The following ABCA1 variants were observed in gnomAD, a reference collection of about 807,000 sequenced individuals.
ABCA1 encodes the protein ATP binding cassette subfamily A member 1, also known as phospholipid-transporting ATPase ABCA1.
A neutral mutation model predicts 262.5 loss-of-function variants in ABCA1; 133 were observed. The ratio of observed to expected loss-of-function variants is 0.51; its 90% CI spans 0.44 to 0.59. The LOEUF is 0.59. Ranked by LOEUF, ABCA1 falls within the 20% of genes least tolerant of loss-of-function variation. ABCA1 has a pLI of 0.00. For synonymous variants in ABCA1, 1,022 were observed against 1,043.5 expected (o/e 0.98, Z 0.40); for missense variants, 2,452 against 2,777.5 (o/e 0.88, Z 2.63).
In ABCA1 at chr9:104,837,037, T is replaced by C; in HGVS notation, c.1254A>G (p.Glu418=). The C allele has an allele frequency of 2.5e-6, 4 of 1,614,112 alleles. No individual in the cohort carries two copies. Among genetic ancestry groups the C allele is most frequent in the Non-Finnish European group, 3.4e-6 (4 of 1,180,026 alleles). ...VFHDLEGMWE[E]LSPKIWTFME... is the part of the protein sequence containing the mutation. ...TGAAGGTCCAGATCTTGGGGCTGAG[T>C]TCCTCCCACATGCCTTCCAGATCAT... The change falls in exon 11 of 50, where the codon GAA becomes GAG. Residue 418 remains glutamate (E), a synonymous_variant. Transcript: ENST00000374736.
intron 47 of ABCA1, 97 bp downstream of exon 47, chr9:104,786,776 G>A: frequency 8.7e-7 from 1 of 1,152,402 alleles, no homozygotes. Flanking sequence ...TTTACTCTTT[G>A]CTTTTCTGTA....
rs184722709 is a variant in ABCA1 at position 104,785,659 on chromosome 9, C to T, written c.6402-20G>A. 18 of 1,613,596 alleles carry T rather than the reference C, an allele frequency of 1.1e-5. No homozygotes were observed. In the Admixed American group the frequency reaches 2.0e-4, roughly 18 times the overall value. ...CCAAACCTGAAAGCAGGAAAAAATA[C>T]CCAAATGGAGGATCTCCAGAAAACT... is the stretch of plus-strand genomic sequence containing the variant. On this transcript the variant is annotated intron_variant, in intron 48 of 49. Coordinates refer to ENST00000374736, the MANE Select transcript of ABCA1 (RefSeq NM_005502.4).
Position 104,819,727 on chromosome 9 carries a change from C to CA in ABCA1, c.3104-5dup, listed in dbSNP as rs746119307. 31 of 1,614,058 alleles carry CA rather than the reference C, an allele frequency of 1.9e-5. No homozygotes were observed. The highest frequency in any genetic ancestry group is 2.3e-5 in the Non-Finnish European group (27 of 1,180,008). On this transcript the variant is annotated splice_region_variant and splice_polypyrimidine_tract_variant and intron_variant, in intron 21 of 49. Transcript: ENST00000374736. Reference sequence around the variant, plus strand: ...GATAGCTTTCTCTGCATTCCACCTACAAAAAAACAGAGCAAGACAAACTCC... The same window carrying CA: ...GATAGCTTTCTCTGCATTCCACCTACAAAAAAAACAGAGCAAGACAAACTCC...
chr9:104,818,719 C>T lies in ABCA1; in HGVS notation c.3406G>A (p.Glu1136Lys), dbSNP rs568380383. 3 of 1,613,680 alleles carry T rather than the reference C, an allele frequency of 1.9e-6. No homozygotes were observed. Among genetic ancestry groups the T allele is most frequent in the Admixed American group, 3.3e-5 (2 of 60,014 alleles). ...TTTCTGCAGGAACTGAGGGAGGATT[C>T]CACATCTTTCTTGACCAAGGTCAGG... ...YYLTLVKKDVESSLSSCRNSS... is the reference protein window; with the variant it reads ...YYLTLVKKDVKSSLSSCRNSS... The change falls in exon 23 of 50, where the codon GAA (glutamate) becomes AAA (lysine). Residue 1136 changes from glutamate (E) to lysine (K), a missense_variant. Glu to Lys is a moderately conservative substitution (Grantham distance 56). Around this residue, in one of 4 missense-constraint regions of ABCA1, gnomAD observed 665 missense variants for 727.3 expected, o/e 0.91. Coordinates refer to ENST00000374736, the MANE Select transcript of ABCA1 (RefSeq NM_005502.4).
intron 1 of ABCA1, among the ~76,000 whole-genome samples, chr9:104,924,169 G>A (rs1327884105): frequency 6.6e-6 from 1 of 152,182 alleles, no homozygotes; most frequent in Non-Finnish European, 1.5e-5. Flanking sequence ...ATGCAGATAC[G>A]AAGATGGTTG....
chr9:104,806,378 G>T lies in ABCA1; in HGVS notation c.4327C>A (p.Gln1443Lys). ...EEEWTTAPVP[Q>K]TIMDLFQNGN... The stretch of plus-strand genomic sequence containing the variant: ...TTCTGGAAGAGGTCCATGATGGTCT[G>T]GGGAACTGGGGCAGTGGTCCACTCT... Residue 1443 changes from glutamine (Q) to lysine (K), a missense_variant, in exon 31 of 50, where the codon CAG (glutamine) becomes AAG (lysine). Physicochemically the swap from Gln to Lys is moderately conservative, Grantham distance 53. Coordinates refer to ENST00000374736, the MANE Select transcript of ABCA1 (RefSeq NM_005502.4). 2 of 1,614,178 alleles carry T rather than the reference G, an allele frequency of 1.2e-6. No homozygotes were observed. Among genetic ancestry groups the T allele is most frequent in the South Asian group, 1.1e-5 (1 of 91,082 alleles).
In ABCA1 at chr9:104,806,528, G is replaced by C. The variant is rs142548971; in HGVS notation, c.4275-98C>G. 474 of 1,189,744 alleles carry C rather than the reference G, an allele frequency of 4.0e-4. 3 individuals are homozygous for C. The African/African-American group carries it at 5.9e-3, about 15-fold the overall frequency. 73.7% of individuals were successfully genotyped at this position (1,189,744 alleles called of 1,614,324 possible). On this transcript the variant is annotated intron_variant, in intron 30 of 49. Coordinates refer to ENST00000374736, the MANE Select transcript of ABCA1 (RefSeq NM_005502.4). ...ATCATTCCGTAACAACCACAAACAT[G>C]CATCTATTCCCTCACCATTTGGAAA... is the stretch of plus-strand genomic sequence containing the variant.
At chr9:104,909,200 G>A (rs1350625393) in intron 1 of ABCA1, among the ~76,000 whole-genome samples, 3 of 152,194 alleles carry the variant, frequency 2.0e-5, no homozygotes, top group Non-Finnish European at 2.9e-5. Flanking sequence ...AGGTGCCCAT[G>A]AGCCACAACA....
rs924171166 is a variant in ABCA1, at chr9:104,814,563, A to C, written c.3739-88T>G. The C allele has an allele frequency of 1.0e-5, 13 of 1,280,164 alleles. No individual in the cohort carries two copies. The African/African-American group carries it at 1.6e-4, about 16-fold the overall frequency. 79.3% of individuals were successfully genotyped at this position (1,280,164 alleles called of 1,614,324 possible). A position where few individuals can be genotyped will look rare whatever the true frequency, so the allele number is the denominator to read the frequency against. The stretch of plus-strand genomic sequence containing the variant: ...CACGATTATTATATTACTGAGTGGC[A>C]TGTTAGCCCCGTAAGACAGAGAAAG... On this transcript the variant is annotated intron_variant, in intron 25 of 49. Coordinates refer to ENST00000374736, the MANE Select transcript of ABCA1 (RefSeq NM_005502.4).
chr9:104,919,605 C>T (rs1454480274), intron 1 of ABCA1, among the ~76,000 whole-genome samples: 1 of 147,402 alleles, frequency 6.8e-6, no homozygotes, highest in African/African-American at 2.6e-5. Context: ...TAACGAGACT[C>T]CATCTCAAAA....
At chr9:104,822,371 G>C in intron 19 of ABCA1, 125 bp downstream of exon 19, 3 of 1,262,872 alleles carry the variant, frequency 2.4e-6, no homozygotes, top group Non-Finnish European at 3.4e-6. Context: ...GTTCACATTC[G>C]GCAACTCCTC....
chr9:104,834,548 C>T (rs1205679726), intron 11 of ABCA1, among the ~76,000 whole-genome samples: 2 of 148,456 alleles, frequency 1.3e-5, no homozygotes. Flanking sequence ...GTCGGCCCTG[C>T]CCAGTATGGT....
Position 104,871,989 on chromosome 9 carries a change from C to T in ABCA1, c.422-10189G>A, listed in dbSNP as rs146279863. ...GAGTTTACAAGTTGGGGATGAGATTCTTCCTAAGGCTGGTCTAGGGAAGAA... is the reference window on the plus strand; with the variant it reads ...GAGTTTACAAGTTGGGGATGAGATTTTTCCTAAGGCTGGTCTAGGGAAGAA... On this transcript the variant is annotated intron_variant, in intron 5 of 49. Transcript: ENST00000374736. Among the ~76,000 whole-genome samples the T allele has an allele frequency of 5.2e-3, 798 of 152,288 alleles. 17 individuals carry two copies. Among genetic ancestry groups the T allele is most frequent in the Non-Finnish European group, 7.6e-3 (519 of 68,028 alleles).
chr9:104,795,213 C>CATTTCAAGCCAGGCCTTGAATTTCA (rs1247948910), intron 39 of ABCA1, among the ~76,000 whole-genome samples: 1 of 152,180 alleles, frequency 6.6e-6, no homozygotes, highest in Non-Finnish European at 1.5e-5. Context: ...GACCCTGTGA[C>CATTTCAAGCCAGGCCTTGAATTTCA]AGAAGAAGGG....
At chr9:104,799,643 C>T (rs1830172526) in intron 36 of ABCA1, 176 bp downstream of exon 36, 2 of 985,084 alleles carry the variant, frequency 2.0e-6, no homozygotes, top group Admixed American at 6.2e-5. Context: ...TTCAAGAAGC[C>T]CAACCAGCCA....
intron 6 of ABCA1, among the ~76,000 whole-genome samples, chr9:104,860,917 G>C (rs778317403): frequency 9.9e-5 from 15 of 151,968 alleles, no homozygotes; most frequent in Non-Finnish European, 1.6e-4. Flanking sequence ...CCACCACGCT[G>C]AGCTAATTTT....
At chr9:104,793,348 C>T (rs1246916807) in intron 40 of ABCA1, 48 bp from the exon 41 acceptor site, 1 of 1,613,622 alleles carries the variant, frequency 6.2e-7, no homozygotes, top group Admixed American at 1.7e-5. Flanking sequence ...GGATCAAAAA[C>T]CATGGCCCTT....
chr9:104,911,365 T>G (rs1230609822), intron 1 of ABCA1, among the ~76,000 whole-genome samples: 1 of 152,204 alleles, frequency 6.6e-6, no homozygotes, highest in Non-Finnish European at 1.5e-5. Flanking sequence ...TAATTGCCTC[T>G]CTGATCATGT....
chr9:104,860,572 TC>T (rs1291292102), intron 6 of ABCA1, among the ~76,000 whole-genome samples: 1 of 152,010 alleles, frequency 6.6e-6, no homozygotes, highest in Admixed American at 6.6e-5. Flanking sequence ...AGGAAGCAGT[TC>T]CCCTTTCTGC....
Sources: allele counts gnomAD v4.1 joint callset (sites outside exome capture counted in the v4.1 genomes callset), GRCh38; gene constraint gnomAD v4.1.1; regional missense constraint gnomAD v4.1.1; transcripts MANE v1.5; gene names NCBI Gene and HGNC (gene_info 2026-07-23, HGNC 2026-07-21).